MCF2L2: variants seen among roughly 807,000 people sequenced by gnomAD.
MCF2L2 encodes MCF.2 cell line derived transforming sequence-like 2, also known as probable guanine nucleotide exchange factor MCF2L2.
A neutral mutation model predicts 150.2 loss-of-function variants in MCF2L2; 102 were observed. The ratio of observed to expected loss-of-function variants is 0.68; its 90% CI spans 0.58 to 0.80. The LOEUF (loss-of-function observed/expected upper bound fraction) is 0.80, where lower values mean the gene tolerates loss of function less well. Among genes scored for constraint, MCF2L2 ranks in the 30% least tolerant of loss-of-function variants. The probability of loss-of-function intolerance (pLI) is 0.00; values close to 1 mark genes in which losing one functional copy is unlikely to be tolerated. For missense variants in MCF2L2, 1,256 were observed against 1,372.8 expected, an observed-to-expected ratio of 0.91 and a Z score of 1.34; for synonymous variants, 465 against 491.3, an observed-to-expected ratio of 0.95 and a Z score of 0.71.
intron 17 of MCF2L2, among the ~76,000 whole-genome samples, chr3:183,229,374 C>T (rs1431494677): frequency 6.6e-6 from 1 of 152,158 alleles, no homozygotes; most frequent in East Asian, 1.9e-4. Context: ...AGAACAGGTG[C>T]TCAAAAAATG....
chr3:183,206,947 AAGGAAGGAAGGAAGGAAGGAAGGAAGGG>A (rs1356481067), intron 23 of MCF2L2, among the ~76,000 whole-genome samples: 648 of 50,804 alleles, frequency 0.013, 13 homozygotes, highest in South Asian at 0.04. Flanking sequence ...GGAAGGAAGG[AAGGAAGGAAGGAAGGAAGGAAGGAAGGG>A]AGGGAGGGAG....
intron 27 of MCF2L2, among the ~76,000 whole-genome samples, chr3:183,192,000 G>A (rs13091371): frequency 6.0e-5 from 9 of 149,772 alleles, no homozygotes; most frequent in African/African-American, 1.2e-4. Flanking sequence ...ACCACCAAGC[G>A]CAGCTAATTT....
chr3:183,318,164 C>T lies in MCF2L2; in HGVS notation c.657G>A (p.Thr219=), dbSNP rs137887401. The change falls in exon 7 of 30, where the codon ACG becomes ACA. Residue 219 remains threonine (T), a synonymous_variant. Transcript: ENST00000328913. ...TLKTTAQMLQ[T]FGSCLATAEL... ...CTGCTGTGGCCAGGCAGGACCCAAA[C>T]GTCTGCAGCATCTGGGCAGTGGTCT... is the stretch of plus-strand genomic sequence containing the variant. 237 of 1,614,198 alleles carry T rather than the reference C, an allele frequency of 1.5e-4. 1 individual carries two copies. The African/African-American group carries it at 2.5e-3, about 17-fold the overall frequency.
chr3:183,295,333 C>G lies in MCF2L2; in HGVS notation c.1642G>C (p.Val548Leu). 6.2e-7 allele frequency: 1 copy of G among 1,611,310 alleles called. No homozygotes were observed. The highest frequency in any genetic ancestry group is 8.5e-7 in the Non-Finnish European group (1 of 1,178,938). Reference protein sequence around the residue: ...APHPESSPKWVSSKTSQPSTS... With the variant: ...APHPESSPKWLSSKTSQPSTS... ...GAGGGCTGGCTGGTTTTTGATGACA[C>G]CCATTTTGGTGAAGACTCAGGATGT... The change falls in exon 13 of 30, where the codon GTG becomes CTG. Residue 548 changes from valine to leucine, a missense_variant. Val to Leu is a conservative substitution (Grantham distance 32). Coordinates refer to ENST00000328913, the MANE Select transcript of MCF2L2 (RefSeq NM_015078.4).
At chr3:183,183,868 G>T (rs995329334) in intron 27 of MCF2L2, among the ~76,000 whole-genome samples, 8 of 152,000 alleles carry the variant, frequency 5.3e-5, no homozygotes, top group Non-Finnish European at 5.9e-5. Flanking sequence ...AACACTCAGG[G>T]AAAGAAACAT....
intron 15 of MCF2L2, among the ~76,000 whole-genome samples, chr3:183,234,890 TC>T (rs1413525965): frequency 1.8e-5 from 2 of 112,752 alleles, no homozygotes; most frequent in Non-Finnish European, 3.6e-5. Context: ...ATATTCCCCT[TC>T]CTGTGTCCAT....
intron 22 of MCF2L2, among the ~76,000 whole-genome samples, chr3:183,210,289 G>C (rs1722646936): frequency 6.6e-6 from 1 of 152,124 alleles, no homozygotes; most frequent in Non-Finnish European, 1.5e-5. Context: ...AGAAGGTGTA[G>C]AAGATAAAAG....
At chr3:183,355,075 ATATTATT>A (rs943386095) in intron 3 of MCF2L2, among the ~76,000 whole-genome samples, 4 of 150,152 alleles carry the variant, frequency 2.7e-5, no homozygotes, top group Non-Finnish European at 4.4e-5. Context: ...ATTATTCATT[ATATTATT>A]TATTATTTAT....
chr3:183,278,739 A>G (rs564588641), intron 14 of MCF2L2, among the ~76,000 whole-genome samples: 100 of 152,336 alleles, frequency 6.6e-4, no homozygotes, highest in African/African-American at 2.2e-3. Context: ...TATTGTATGC[A>G]GGGTGGATCA....
intron 14 of MCF2L2, among the ~76,000 whole-genome samples, chr3:183,285,743 T>TG (rs1727754970): frequency 6.6e-6 from 1 of 152,196 alleles, no homozygotes; most frequent in South Asian, 2.1e-4. Flanking sequence ...TTTCATCTTC[T>TG]GGGAGCACAG....
intron 7 of MCF2L2, among the ~76,000 whole-genome samples, chr3:183,313,887 C>T (rs1729487675): frequency 6.6e-6 from 1 of 152,186 alleles, no homozygotes; most frequent in Admixed American, 6.5e-5. Flanking sequence ...GGGAGCCCCA[C>T]CACCACCTTG....
At chr3:183,288,503 A>T (rs1208723535) in intron 14 of MCF2L2, among the ~76,000 whole-genome samples, 4 of 140,020 alleles carry the variant, frequency 2.9e-5, no homozygotes. Context: ...TTTTTTTGAG[A>T]CATAGTTTCG....
At chr3:183,351,366 A>T (rs577319544) in intron 3 of MCF2L2, among the ~76,000 whole-genome samples, 1 of 151,418 alleles carries the variant, frequency 6.6e-6, no homozygotes, top group South Asian at 2.1e-4. Context: ...ATGTTAATAT[A>T]CTTTCCTATG....
chr3:183,208,627 A>T (rs184343885), intron 22 of MCF2L2, among the ~76,000 whole-genome samples: 1 of 152,324 alleles, frequency 6.6e-6, no homozygotes, highest in East Asian at 1.9e-4. Context: ...GGTATTTTTC[A>T]AAACTTCGAT....
chr3:183,194,770 A>G (rs1054473054), intron 26 of MCF2L2, among the ~76,000 whole-genome samples: 5 of 152,032 alleles, frequency 3.3e-5, no homozygotes, highest in African/African-American at 1.2e-4. Context: ...TTTTATATCT[A>G]TTCATGTATT....
At chr3:183,400,287 AT>A in intron 1 of MCF2L2, 1 of 324,110 alleles carries the variant, frequency 3.1e-6, no homozygotes, top group African/African-American at 2.2e-5. Flanking sequence ...TTAAATCATT[AT>A]GCTAAGAATG....
At chr3:183,420,758 G>C (rs1314727175) in intron 1 of MCF2L2, among the ~76,000 whole-genome samples, 1 of 152,312 alleles carries the variant, frequency 6.6e-6, no homozygotes, top group African/African-American at 2.4e-5. Flanking sequence ...CAGCAGGAGA[G>C]AGAGTGCTCA....
At chr3:183,211,412 C>T (rs1463382140) in intron 22 of MCF2L2, among the ~76,000 whole-genome samples, 1 of 152,194 alleles carries the variant, frequency 6.6e-6, no homozygotes, top group African/African-American at 2.4e-5. Context: ...GGCACATATC[C>T]TCTGGGTCAT....
At position 183,279,843 on chromosome 3, in the gene MCF2L2, A is replaced by C. The variant is rs145272864; in HGVS notation, c.1777-2886T>G. ...CAAGAGTTCAAGACCAGCCTGACCA[A>C]CATGGTGAAAACCCGTCTCTACTAA... On this transcript the variant is annotated intron_variant, in intron 14 of 29. Transcript: ENST00000328913. 6.0e-3 allele frequency among the ~76,000 whole-genome samples: 912 copies of C among 152,288 alleles called. 9 individuals carry two copies. The highest frequency in any genetic ancestry group is 0.02 in the African/African-American group (849 of 41,548).
Sources: allele counts gnomAD v4.1 joint callset (sites outside exome capture counted in the v4.1 genomes callset), GRCh38; gene constraint gnomAD v4.1.1; transcripts MANE v1.5; gene names NCBI Gene and HGNC (gene_info 2026-07-23, HGNC 2026-07-21).